FOCAD: variants seen among roughly 807,000 people sequenced by gnomAD.
FOCAD encodes the protein KIAA1797.
In FOCAD, 198 loss-of-function variants were observed where a neutral mutation model predicts 225.6. The ratio of observed to expected loss-of-function variants is 0.88; its 90% CI spans 0.78 to 0.99. The LOEUF is 0.99. Among genes scored for constraint, FOCAD ranks in the 50% least tolerant of loss-of-function variants. The pLI, the probability that FOCAD is intolerant of heterozygous loss-of-function variation, is 0.00. For synonymous variants in FOCAD, 897 were observed against 755.0 expected, an observed-to-expected ratio of 1.19 and a Z score of -3.08; for missense variants, 2,713 against 2,123.6, an observed-to-expected ratio of 1.28 and a Z score of -5.46.
intron 11 of FOCAD, among the ~76,000 whole-genome samples, chr9:20,791,421 A>G (rs148295564): frequency 4.6e-4 from 70 of 152,280 alleles, no homozygotes; most frequent in African/African-American, 1.3e-3. Context: ...AAAATGTGCA[A>G]TGATCAAATC....
intron 35 of FOCAD, among the ~76,000 whole-genome samples, chr9:20,963,961 G>C (rs1245932615): frequency 2.0e-5 from 3 of 152,010 alleles, no homozygotes; most frequent in Non-Finnish European, 2.9e-5. Flanking sequence ...CACTGTCTCC[G>C]CTGCTAGAGT....
At chr9:20,687,916 G>A (rs1455091670) in intron 1 of FOCAD, among the ~76,000 whole-genome samples, 3 of 152,198 alleles carry the variant, frequency 2.0e-5, no homozygotes, top group African/African-American at 7.2e-5. Flanking sequence ...CTTTATGGAG[G>A]AATTTTCATC....
chr9:20,693,113 G>A (rs1364196753), intron 1 of FOCAD, among the ~76,000 whole-genome samples: 1 of 152,152 alleles, frequency 6.6e-6, no homozygotes, highest in Non-Finnish European at 1.5e-5. Context: ...ATTGTCCTGT[G>A]AGGCTTGCCA....
At position 20,993,301 on chromosome 9, in the gene FOCAD, T is replaced by G; in HGVS notation, c.5305T>G (p.Ser1769Ala). 1 of 1,613,998 alleles carries G rather than the reference T, an allele frequency of 6.2e-7. No homozygotes were observed. Among genetic ancestry groups the G allele is most frequent in the Non-Finnish European group, 8.5e-7 (1 of 1,179,908 alleles). Residue 1769 changes from serine (S) to alanine (A), a missense_variant, in exon 43 of 44, where the codon TCA becomes GCA. Coordinates refer to ENST00000338382, the MANE Select transcript of FOCAD (RefSeq NM_001375567.1). ...CATGGAAAGCCCTAAAGAAGCCCTC[T>G]CAGCACAGTCCAGGGATCTTTTGAA... is the stretch of plus-strand genomic sequence containing the variant. ...SIMESPKEAL[S>A]AQSRDLLKAT...
chr9:20,973,691 T>C (rs1476743014), intron 35 of FOCAD, among the ~76,000 whole-genome samples: 1 of 151,898 alleles, frequency 6.6e-6, no homozygotes, highest in East Asian at 2.0e-4. Flanking sequence ...TCACGTTTGC[T>C]GACTCTGCCC....
chr9:20,967,231 T>C (rs1839346628), intron 35 of FOCAD, among the ~76,000 whole-genome samples: 1 of 152,158 alleles, frequency 6.6e-6, no homozygotes, highest in Non-Finnish European at 1.5e-5. Context: ...GTATAAGTCT[T>C]TACCCTTGGT....
chr9:20,679,296 A>G (rs184638174), upstream of FOCAD, among the ~76,000 whole-genome samples: 452 of 152,228 alleles, frequency 3.0e-3, 1 homozygote, highest in Non-Finnish European at 4.3e-3. Context: ...ATCTAATTAA[A>G]TCTAATAGAT....
At chr9:20,664,361 A>G (rs929949202) in intron 2 of FOCAD, among the ~76,000 whole-genome samples, 3 of 150,868 alleles carry the variant, frequency 2.0e-5, no homozygotes, top group Non-Finnish European at 4.4e-5. Context: ...TAATAGTTCA[A>G]TTAATACTGA....
chr9:20,717,853 C>G lies in FOCAD; in HGVS notation c.117C>G (p.His39Gln). 1 of 1,612,154 alleles carries G rather than the reference C, an allele frequency of 6.2e-7. No homozygotes were observed. The highest frequency in any genetic ancestry group is 1.3e-5 in the African/African-American group (1 of 74,968). The change falls in exon 3 of 44, where the codon CAC (histidine) becomes CAG (glutamine). Residue 39 changes from histidine to glutamine, a missense_variant. Physicochemically the swap from His to Gln is conservative, Grantham distance 24. Transcript: ENST00000338382. ...LKENGFSEKI[H>Q]QSTNQTPALN... ...AAAATGGTTTTTCAGAAAAGATTCA[C>G]CAATCTACAAATCAGGTCTGTGTTT... is the stretch of plus-strand genomic sequence containing the variant.
At chr9:20,993,738 C>T (rs1841856605) in intron 43 of FOCAD, among the ~76,000 whole-genome samples, 4 of 152,166 alleles carry the variant, frequency 2.6e-5, no homozygotes, top group Admixed American at 6.5e-5. Context: ...TAGGGATGCT[C>T]AGCCTATATT....
chr9:20,795,989 G>A (rs1327856824), intron 11 of FOCAD, among the ~76,000 whole-genome samples: 6 of 130,922 alleles, frequency 4.6e-5, no homozygotes, highest in South Asian at 2.8e-4. Flanking sequence ...AACAGGCCCC[G>A]GTGTGTGATG....
At chr9:20,711,594 T>G (rs1824856195) in intron 1 of FOCAD, among the ~76,000 whole-genome samples, 1 of 152,052 alleles carries the variant, frequency 6.6e-6, no homozygotes, top group African/African-American at 2.4e-5. Context: ...ACCTCTGAGG[T>G]GCTGGAAAGA....
At chr9:20,781,616 C>T in intron 9 of FOCAD, 111 bp from the exon 10 acceptor site, 1 of 814,146 alleles carries the variant, frequency 1.2e-6, no homozygotes, top group South Asian at 1.5e-5. Flanking sequence ...GTGTCTGACC[C>T]AGTTATAAAA....
chr9:20,778,441 C>G (rs1021140737), intron 8 of FOCAD, among the ~76,000 whole-genome samples: 1 of 152,064 alleles, frequency 6.6e-6, no homozygotes, highest in Non-Finnish European at 1.5e-5. Context: ...GGGCTGGTCT[C>G]GAACTTCTGA....
chr9:20,865,039 C>G (rs182184217), intron 16 of FOCAD, among the ~76,000 whole-genome samples: 2 of 152,202 alleles, frequency 1.3e-5, no homozygotes, highest in East Asian at 3.9e-4. Context: ...GAATCCAGGA[C>G]TTTCTAGTTT....
At chr9:20,909,964 A>G (rs1587578584) in intron 22 of FOCAD, among the ~76,000 whole-genome samples, 2 of 152,066 alleles carry the variant, frequency 1.3e-5, no homozygotes, top group African/African-American at 2.4e-5. Flanking sequence ...GTTTTATTCA[A>G]TTAAGCCTAG....
intron 4 of FOCAD, among the ~76,000 whole-genome samples, chr9:20,734,995 T>A (rs1198507676): frequency 6.6e-6 from 1 of 152,162 alleles, no homozygotes; most frequent in Admixed American, 6.6e-5. Context: ...AAAAGGGGTA[T>A]AAAATTTTCA....
chr9:20,948,283 G>A lies in FOCAD; in HGVS notation c.3688G>A (p.Ala1230Thr). The change falls in exon 31 of 44, where the codon GCC (alanine) becomes ACC (threonine). Residue 1230 changes from alanine (A) to threonine (T), a missense_variant. Transcript: ENST00000338382. The stretch of plus-strand genomic sequence containing the variant: ...TTATTTATATCAGACTTCAGGTTTT[G>A]CCCTGGCTTTAGGAAACATAGTTCA... ...VENSQQTSGFALALGNIVHGL... is the reference protein window; with the variant it reads ...VENSQQTSGFTLALGNIVHGL... The A allele has an allele frequency of 6.2e-7, 1 of 1,602,110 alleles. No homozygotes were observed. Among genetic ancestry groups the A allele is most frequent in the Non-Finnish European group, 8.5e-7 (1 of 1,174,246 alleles).
intron 5 of FOCAD, among the ~76,000 whole-genome samples, chr9:20,756,194 C>A (rs1244709604): frequency 6.6e-6 from 1 of 151,996 alleles, no homozygotes; most frequent in African/African-American, 2.4e-5. Context: ...TGGAGTGATC[C>A]CTTAGCAATG....
Sources: gnomAD v4.1 joint callset for allele counts (sites outside exome capture counted in the v4.1 genomes callset) on GRCh38, gnomAD v4.1.1 for gene constraint, MANE v1.5 for transcripts, NCBI Gene and HGNC (gene_info 2026-07-23, HGNC 2026-07-21) for gene names.